Variants in MBTD1 observed in about 807,000 individuals in gnomAD.
The protein encoded by MBTD1 is mbt domain containing 1, also known as MBT domain-containing protein 1.
In MBTD1, 24 loss-of-function variants were observed where a neutral mutation model predicts 87.8. The ratio of observed to expected loss-of-function variants is 0.27; its 90% CI spans 0.20 to 0.38. MBTD1 has a LOEUF of 0.38. Ranked by LOEUF, MBTD1 falls within the 10% of genes least tolerant of loss-of-function variation. The pLI is 1.00. For missense variants in MBTD1, 436 were observed against 760.2 expected (o/e 0.57, Z 5.02); for synonymous variants, 237 against 248.6 (o/e 0.95, Z 0.44).
rs202219609 is a variant in MBTD1 at position 51,194,727 on chromosome 17, G to GA, written c.1372+486dup. On this transcript the variant is annotated intron_variant, in intron 13 of 16. Coordinates refer to ENST00000586178, the MANE Select transcript of MBTD1 (RefSeq NM_017643.3). Reference sequence around the variant, plus strand: ...TGAGATTCCTGTCTGTACATACAAAGAAAAAAAAAAAAAAGTCAGACATGG... The same window carrying GA: ...TGAGATTCCTGTCTGTACATACAAAGAAAAAAAAAAAAAAAGTCAGACATGG... Among the ~76,000 whole-genome samples, 153 of 133,288 alleles carry GA rather than the reference G, an allele frequency of 1.1e-3. 1 individual carries two copies. The highest frequency in any genetic ancestry group is 7.8e-3 in the Middle Eastern group (2 of 258). 87.4% of individuals were successfully genotyped at this position (133,288 alleles called of 152,430 possible).
chr17:51,219,941 T>G (rs1157537712), intron 4 of MBTD1, among the ~76,000 whole-genome samples: 2 of 152,148 alleles, frequency 1.3e-5, no homozygotes, highest in African/African-American at 4.8e-5. Context: ...GCGAGGACGA[T>G]GAGAAAATAA....
At chr17:51,256,312 A>G (rs2055084864) in intron 2 of MBTD1, 1 of 152,226 alleles carries the variant, frequency 6.6e-6, no homozygotes, top group Non-Finnish European at 1.5e-5. Flanking sequence ...CTCACCTAAG[A>G]TCGCAGTTCA....
intron 16 of MBTD1, among the ~76,000 whole-genome samples, chr17:51,189,022 T>G (rs2050679781): frequency 6.6e-6 from 1 of 152,144 alleles, no homozygotes; most frequent in African/African-American, 2.4e-5. Context: ...CCTCCCAAAG[T>G]GCTGGGATTA....
At chr17:51,256,300 A>T (rs936252492) in intron 2 of MBTD1, 4 of 152,228 alleles carry the variant, frequency 2.6e-5, no homozygotes, top group Non-Finnish European at 5.9e-5. Context: ...GAGGTTACAC[A>T]ACTCACCTAA....
chr17:51,211,302 GACA>G (rs1228301426), intron 6 of MBTD1, among the ~76,000 whole-genome samples: 1 of 151,886 alleles, frequency 6.6e-6, no homozygotes, highest in African/African-American at 2.4e-5. Flanking sequence ...CAACAGCCTG[GACA>G]ACATGGCGAA....
intron 2 of MBTD1, among the ~76,000 whole-genome samples, chr17:51,227,986 A>G (rs2053327365): frequency 6.6e-6 from 1 of 152,084 alleles, no homozygotes. Context: ...TTTACCTTTT[A>G]CAATTTTAAG....
intron 2 of MBTD1, among the ~76,000 whole-genome samples, chr17:51,241,569 T>C (rs897851476): frequency 2.0e-5 from 3 of 152,036 alleles, no homozygotes; most frequent in African/African-American, 7.2e-5. Context: ...TATTTTTCAA[T>C]GTTGTATTTT....
At chr17:51,237,734 T>C (rs906225550) in intron 2 of MBTD1, among the ~76,000 whole-genome samples, 1 of 152,192 alleles carries the variant, frequency 6.6e-6, no homozygotes, top group African/African-American at 2.4e-5. Context: ...TACAAGCATG[T>C]TGGAAAGCAG....
intron 12 of MBTD1, among the ~76,000 whole-genome samples, chr17:51,197,059 T>G (rs1414034112): frequency 4.9e-3 from 3 of 608 alleles, no homozygotes; most frequent in African/African-American, 0.013. Context: ...TATATATATA[T>G]ATATATATAT....
chr17:51,236,348 C>G lies in MBTD1; in HGVS notation c.-48-11139G>C, dbSNP rs560625175. Among the ~76,000 whole-genome samples the G allele has an allele frequency of 1.1e-3, 164 of 152,232 alleles. 2 individuals carry two copies. Among genetic ancestry groups the G allele is most frequent in the Middle Eastern group, 0.01 (3 of 294 alleles). On this transcript the variant is annotated intron_variant, in intron 2 of 16. Transcript: ENST00000586178. The stretch of plus-strand genomic sequence containing the variant: ...GCAACCTTCACCTCCTGGGTTCAAG[C>G]GATTCTCCTGCCTCAGCCTCCTGAG...
intron 11 of MBTD1, 42 bp from the exon 12 acceptor site, chr17:51,201,738 G>T (rs2051503901): frequency 1.6e-6 from 2 of 1,280,922 alleles, no homozygotes; most frequent in Admixed American, 1.9e-5. Context: ...TACAAATGTT[G>T]TTATTTTGAT....
chr17:51,258,912 G>A (rs1345092797), intron 2 of MBTD1, among the ~76,000 whole-genome samples: 2 of 152,164 alleles, frequency 1.3e-5, no homozygotes, highest in Non-Finnish European at 2.9e-5. Context: ...CTTCCCTGCT[G>A]TTCTTTCTTG....
chr17:51,206,513 C>T (rs1381981977), intron 7 of MBTD1, among the ~76,000 whole-genome samples: 1 of 151,888 alleles, frequency 6.6e-6, no homozygotes, highest in East Asian at 1.9e-4. Flanking sequence ...TGGCTGTGAT[C>T]TAAGAATTAC....
At chr17:51,192,142 T>C (rs1202919751) in intron 16 of MBTD1, 61 bp downstream of exon 16, 2 of 1,139,410 alleles carry the variant, frequency 1.8e-6, no homozygotes, top group Non-Finnish European at 2.6e-6. Flanking sequence ...TGTCCAAGAA[T>C]ACTGTGACTC....
In MBTD1 at chr17:51,179,494, A is replaced by ATATATATTTATATT. The variant is rs2050211702; in HGVS notation, c.*1081_*1082insAATATAAATATATA. 1 of 41,462 alleles carries ATATATATTTATATT rather than the reference A, an allele frequency of 2.4e-5. No individual in the cohort carries two copies. The highest frequency in any genetic ancestry group is 9.7e-5 in the African/African-American group (1 of 10,344). 2.6% of individuals were successfully genotyped at this position (41,462 alleles called of 1,614,324 possible). On this transcript the variant is annotated 3_prime_UTR_variant, in exon 17 of 17. Coordinates refer to ENST00000586178, the MANE Select transcript of MBTD1 (RefSeq NM_017643.3). ...CAATTAAAGACAATTTTATATATAT[A>ATATATATTTATATT]TATATATATATATATATATATATAT...
chr17:51,187,365 G>C (rs1330448015), intron 16 of MBTD1, among the ~76,000 whole-genome samples: 1 of 148,310 alleles, frequency 6.7e-6, no homozygotes, highest in Non-Finnish European at 1.5e-5. Flanking sequence ...TTGCACCACA[G>C]TGCTCCAGGC....
chr17:51,240,548 G>A (rs532495822), intron 2 of MBTD1, among the ~76,000 whole-genome samples: 6 of 152,204 alleles, frequency 3.9e-5, no homozygotes, highest in Admixed American at 1.3e-4. Flanking sequence ...TATGTTTTTG[G>A]CAGGTACATG....
intron 16 of MBTD1, among the ~76,000 whole-genome samples, chr17:51,189,623 G>A (rs1161056472): frequency 2.0e-5 from 3 of 152,164 alleles, no homozygotes. Flanking sequence ...AAAACTCACA[G>A]ATAAGTTCTA....
intron 2 of MBTD1, among the ~76,000 whole-genome samples, chr17:51,230,278 T>C (rs1228520656): frequency 6.6e-6 from 1 of 152,218 alleles, no homozygotes; most frequent in African/African-American, 2.4e-5. Flanking sequence ...TTAGATACAG[T>C]GTGGTGTTAT....
Sources: gnomAD v4.1 joint callset for allele counts (sites outside exome capture counted in the v4.1 genomes callset) on GRCh38, gnomAD v4.1.1 for gene constraint, MANE v1.5 for transcripts, NCBI Gene and HGNC (gene_info 2026-07-23, HGNC 2026-07-21) for gene names.